The following RAPGEF5 variants were observed in gnomAD, a reference collection of about 807,000 sequenced individuals.
The protein encoded by RAPGEF5 is M-Ras-regulated GEF.
Under a neutral mutation model 125.2 loss-of-function variants are expected in RAPGEF5, and 65 were observed. The ratio of observed to expected loss-of-function variants is 0.52; its 90% CI spans 0.43 to 0.64. The LOEUF (loss-of-function observed/expected upper bound fraction) is 0.64, where lower values mean the gene tolerates loss of function less well. Ranked by LOEUF, RAPGEF5 falls within the 30% of genes least tolerant of loss-of-function variation. The pLI, the probability that RAPGEF5 is intolerant of heterozygous loss-of-function variation, is 0.00. For synonymous variants in RAPGEF5, 391 were observed against 385.9 expected, an observed-to-expected ratio of 1.01 and a Z score of -0.16; for missense variants, 958 against 1,048.1, an observed-to-expected ratio of 0.91 and a Z score of 1.19.
At position 22,254,314 on chromosome 7, in the gene RAPGEF5, GA is replaced by G. The variant is rs112298255; in HGVS notation, c.796+12649del. 3.3e-3 allele frequency among the ~76,000 whole-genome samples: 420 copies of G among 129,148 alleles called. 6 individuals carry two copies. The highest frequency in any genetic ancestry group is 8.5e-3 in the African/African-American group (302 of 35,410). The allele number at this position is 129,148 out of a possible 152,430, so 84.7% of individuals were successfully genotyped here. A position where few individuals can be genotyped will look rare whatever the true frequency, so the allele number is the denominator to read the frequency against. ...GACTTTAGACAAAGGGTAATCAAAA[GA>G]AAAAAAAAAAAGGCCGGGCATGGTG... On this transcript the variant is annotated intron_variant, in intron 7 of 25. Transcript: ENST00000665637.
intron 12 of RAPGEF5, chr7:22,162,812 A>G: frequency 2.1e-6 from 1 of 486,466 alleles, no homozygotes; most frequent in Non-Finnish European, 3.8e-6. Context: ...GGCAACATGC[A>G]GTTAATGCCA....
At chr7:22,302,106 C>T (rs1783221052) in intron 5 of RAPGEF5, among the ~76,000 whole-genome samples, 1 of 152,222 alleles carries the variant, frequency 6.6e-6, no homozygotes. Flanking sequence ...AGACCCTCTG[C>T]TCCCTGTTCA....
chr7:22,145,687 T>G (rs950818821), intron 19 of RAPGEF5, among the ~76,000 whole-genome samples: 2 of 152,180 alleles, frequency 1.3e-5, no homozygotes, highest in African/African-American at 4.8e-5. Flanking sequence ...AAGCACAGAT[T>G]GCTGGATCCC....
At chr7:22,322,684 T>C (rs1783739527) in intron 1 of RAPGEF5, among the ~76,000 whole-genome samples, 1 of 152,152 alleles carries the variant, frequency 6.6e-6, no homozygotes, top group Non-Finnish European at 1.5e-5. Flanking sequence ...TCACAAATAG[T>C]ATCGGCTAGA....
chr7:22,224,231 A>T (rs1785859026), intron 8 of RAPGEF5, among the ~76,000 whole-genome samples: 1 of 152,224 alleles, frequency 6.6e-6, no homozygotes. Context: ...AATGCAGTCC[A>T]TAATCTGAGA....
chr7:22,250,600 A>T (rs542459715), intron 7 of RAPGEF5, among the ~76,000 whole-genome samples: 1 of 152,220 alleles, frequency 6.6e-6, no homozygotes, highest in Non-Finnish European at 1.5e-5. Context: ...TACGGCCAGG[A>T]CAAAGATTTC....
chr7:22,341,757 A>C (rs1784133290), intron 1 of RAPGEF5, among the ~76,000 whole-genome samples: 1 of 152,248 alleles, frequency 6.6e-6, no homozygotes, highest in African/African-American at 2.4e-5. Flanking sequence ...TCTCAAATCC[A>C]GGTCATGCTG....
intron 5 of RAPGEF5, among the ~76,000 whole-genome samples, chr7:22,302,140 G>C (rs114777767): frequency 7.2e-5 from 11 of 152,306 alleles, no homozygotes; most frequent in African/African-American, 2.6e-4. Context: ...AACATTAAGA[G>C]AAGCAAATTC....
intron 9 of RAPGEF5, among the ~76,000 whole-genome samples, chr7:22,212,206 C>G (rs1212832939): frequency 6.6e-6 from 1 of 152,152 alleles, no homozygotes; most frequent in Non-Finnish European, 1.5e-5. Flanking sequence ...ATCTCTTGAC[C>G]TCGTAATCCA....
intron 14 of RAPGEF5, among the ~76,000 whole-genome samples, chr7:22,160,296 T>C (rs570040317): frequency 7.0e-4 from 107 of 152,284 alleles, no homozygotes; most frequent in African/African-American, 2.5e-3. Context: ...TTTTACTATA[T>C]AAAACAGGGT....
chr7:22,329,478 G>T (rs1168521410), intron 1 of RAPGEF5, among the ~76,000 whole-genome samples: 1 of 152,034 alleles, frequency 6.6e-6, no homozygotes, highest in Non-Finnish European at 1.5e-5. Flanking sequence ...CTCCCTTCCC[G>T]CAGTCTAGTC....
chr7:22,266,879 A>G, intron 7 of RAPGEF5, 85 bp downstream of exon 7: 1 of 1,340,778 alleles, frequency 7.5e-7, no homozygotes. Context: ...TTCCTGAGAT[A>G]CACTCAACTG....
chr7:22,269,849 T>C (rs1198429947), intron 6 of RAPGEF5, among the ~76,000 whole-genome samples: 1 of 152,184 alleles, frequency 6.6e-6, no homozygotes, highest in Non-Finnish European at 1.5e-5. Context: ...TGAGACACCC[T>C]GAGCAGGAAC....
At chr7:22,138,403 G>A (rs1040072778) in intron 21 of RAPGEF5, among the ~76,000 whole-genome samples, 4 of 152,128 alleles carry the variant, frequency 2.6e-5, no homozygotes, top group African/African-American at 7.2e-5. Flanking sequence ...ATTTTTCCTC[G>A]CTGGCCCTTT....
intron 6 of RAPGEF5, among the ~76,000 whole-genome samples, chr7:22,281,368 C>A (rs1338816420): frequency 6.6e-6 from 1 of 152,114 alleles, no homozygotes; most frequent in East Asian, 1.9e-4. Context: ...CACGCCACCT[C>A]ATCGAGCTAA....
chr7:22,277,503 G>T (rs1228684791), intron 6 of RAPGEF5, among the ~76,000 whole-genome samples: 2 of 152,138 alleles, frequency 1.3e-5, no homozygotes, highest in Non-Finnish European at 2.9e-5. Flanking sequence ...TGGGTTCTCT[G>T]CTTCTCACAA....
chr7:22,214,256 G>A (rs1469764945), intron 9 of RAPGEF5, among the ~76,000 whole-genome samples: 1 of 152,138 alleles, frequency 6.6e-6, no homozygotes, highest in East Asian at 1.9e-4. Context: ...TTTCATGAGT[G>A]AATTAGAAAA....
intron 9 of RAPGEF5, among the ~76,000 whole-genome samples, chr7:22,212,068 G>A (rs544776126): frequency 2.3e-4 from 34 of 146,758 alleles, no homozygotes; most frequent in African/African-American, 5.5e-4. Context: ...CCGGATTCAC[G>A]CCATTCTCCA....
At chr7:22,208,339 C>T (rs1358669906) in intron 9 of RAPGEF5, among the ~76,000 whole-genome samples, 1 of 152,142 alleles carries the variant, frequency 6.6e-6, no homozygotes, top group Non-Finnish European at 1.5e-5. Context: ...TATGTATTGT[C>T]ACTGAATGAC....
Sources: allele counts gnomAD v4.1 joint callset (sites outside exome capture counted in the v4.1 genomes callset), GRCh38; gene constraint gnomAD v4.1.1; transcripts MANE v1.5; gene names NCBI Gene and HGNC (gene_info 2026-07-23, HGNC 2026-07-21).